OVCH1: variants seen among roughly 807,000 people sequenced by gnomAD.
OVCH1 encodes ovochymase-1.
In OVCH1, 139 loss-of-function variants were observed where a neutral mutation model predicts 138.4. The observed-to-expected ratio is 1.00, with a 90% confidence interval of 0.87 to 1.16. The LOEUF is 1.16. Among genes scored for constraint, OVCH1 ranks in the 50% most tolerant of loss-of-function variants. The probability of loss-of-function intolerance (pLI) is 0.00; values close to 1 mark genes in which losing one functional copy is unlikely to be tolerated. For synonymous variants in OVCH1, 453 were observed against 467.8 expected, an observed-to-expected ratio of 0.97 and a Z score of 0.41; for missense variants, 1,367 against 1,357.9, an observed-to-expected ratio of 1.01 and a Z score of -0.11.
chr12:29,471,923 C>G, exon 16 of OVCH1: 8 of 1,613,462 alleles, frequency 5.0e-6, no homozygotes, highest in Non-Finnish European at 6.8e-6. Context: ...CAGGCTTCTT[C>G]CCCTCCTGCG....
At chr12:29,497,019 C>T (rs1943436483) in intron 1 of OVCH1, among the ~76,000 whole-genome samples, 1 of 152,138 alleles carries the variant, frequency 6.6e-6, no homozygotes, top group African/African-American at 2.4e-5. Context: ...GCCTGTAATC[C>T]CAGCACTTTG....
intron 5 of OVCH1, 65 bp from the exon 6 acceptor site, chr12:29,489,836 T>A (rs878984126): frequency 7.3e-6 from 11 of 1,506,394 alleles, no homozygotes; most frequent in Non-Finnish European, 8.2e-6. Context: ...ATGGGAAGTC[T>A]ACAAGTTTGG....
chr12:29,452,989 T>C (rs1941840805), intron 21 of OVCH1, among the ~76,000 whole-genome samples: 1 of 152,216 alleles, frequency 6.6e-6, no homozygotes, highest in South Asian at 2.1e-4. Flanking sequence ...ATTTTAACAA[T>C]GTTCATTTTC....
intron 23 of OVCH1, 58 bp downstream of exon 23, chr12:29,445,220 A>T: frequency 1.4e-6 from 2 of 1,480,922 alleles, no homozygotes; most frequent in Non-Finnish European, 1.8e-6. Flanking sequence ...AAATATTCCT[A>T]AATAGAGTAA....
At chr12:29,448,030 T>C (rs1484961676) in intron 22 of OVCH1, among the ~76,000 whole-genome samples, 1 of 151,432 alleles carries the variant, frequency 6.6e-6, no homozygotes, top group African/African-American at 2.4e-5. Flanking sequence ...CTTTTAACCC[T>C]GGACTTCAAA....
At chr12:29,476,073 A>G in intron 13 of OVCH1, 133 bp downstream of exon 13, 1 of 734,406 alleles carries the variant, frequency 1.4e-6, no homozygotes, top group Non-Finnish European at 2.4e-6. Flanking sequence ...CTAAAGTTGT[A>G]TGGCATTCTG....
chr12:29,445,483 A>G, intron 22 of OVCH1, 80 bp from the exon 23 acceptor site: 1 of 1,353,700 alleles, frequency 7.4e-7, no homozygotes. Flanking sequence ...CGAGCAATTA[A>G]TTTAACCCAC....
chr12:29,467,318 A>G (rs1040090846), intron 16 of OVCH1, among the ~76,000 whole-genome samples: 2 of 152,192 alleles, frequency 1.3e-5, no homozygotes, highest in East Asian at 1.9e-4. Flanking sequence ...ACAGTTTCTC[A>G]TGATGTTTTA....
chr12:29,475,109 T>C, exon 14 of OVCH1: 2 of 1,578,652 alleles, frequency 1.3e-6, no homozygotes, highest in South Asian at 1.2e-5. Context: ...AAACGATTTT[T>C]ACCATCACTT....
chr12:29,475,139 T>G (rs766164195), exon 14 of OVCH1: 28 of 1,562,130 alleles, frequency 1.8e-5, no homozygotes, highest in Non-Finnish European at 2.2e-5. Context: ...ATCACCGTCA[T>G]GTTACTAGAA....
At chr12:29,437,646 T>C (rs552474860) in intron 26 of OVCH1, among the ~76,000 whole-genome samples, 3 of 152,140 alleles carry the variant, frequency 2.0e-5, no homozygotes, top group East Asian at 3.9e-4. Context: ...AGGAAAACTC[T>C]GCCCTCTTTA....
At chr12:29,445,355 C>G in exon 23 of OVCH1, 1 of 1,611,318 alleles carries the variant, frequency 6.2e-7, no homozygotes, top group Non-Finnish European at 8.5e-7. Flanking sequence ...CACCAGCGGT[C>G]CAGGACTCAT....
chr12:29,479,250 T>C (rs1657855912), intron 8 of OVCH1, among the ~76,000 whole-genome samples: 1 of 151,864 alleles, frequency 6.6e-6, no homozygotes, highest in South Asian at 2.1e-4. Flanking sequence ...TGAAGAAACC[T>C]AAGATTCATG....
chr12:29,468,918 A>T (rs1301069239), intron 16 of OVCH1, among the ~76,000 whole-genome samples: 1 of 152,190 alleles, frequency 6.6e-6, no homozygotes, highest in Non-Finnish European at 1.5e-5. Flanking sequence ...TTCTCCAAAA[A>T]AATGAACCAG....
At chr12:29,433,915 G>T in intron 26 of OVCH1, 1 of 1,029,104 alleles carries the variant, frequency 9.7e-7, no homozygotes. Flanking sequence ...GGGCAGTAAA[G>T]CAAAGCCTGC....
chr12:29,477,581 A>G (rs777356252), intron 9 of OVCH1, 103 bp from the exon 11 acceptor site: 9 of 1,613,396 alleles, frequency 5.6e-6, no homozygotes, highest in Admixed American at 3.3e-5. Context: ...TCTCTGATCT[A>G]AACACACTAA....
At chr12:29,497,479 G>A in intron 1 of OVCH1, 144 bp downstream of exon 1, 5 of 959,004 alleles carry the variant, frequency 5.2e-6, no homozygotes, top group Non-Finnish European at 7.7e-6. Context: ...ATCTGAGCAT[G>A]CACCACCCCC....
At chr12:29,416,456 C>T (rs954326042) in intron 3 of OVCH1, among the ~76,000 whole-genome samples, 9 of 152,016 alleles carry the variant, frequency 5.9e-5, no homozygotes, top group South Asian at 4.1e-4. Flanking sequence ...CCTCAAACTC[C>T]GCACAGTAAG....
chr12:29,454,548 G>T (rs1243964921), intron 21 of OVCH1, among the ~76,000 whole-genome samples: 1 of 152,122 alleles, frequency 6.6e-6, no homozygotes, highest in Non-Finnish European at 1.5e-5. Flanking sequence ...CATATAGAAG[G>T]ACTTTTATTC....
Sources: gnomAD v4.1 joint callset for allele counts (sites outside exome capture counted in the v4.1 genomes callset) on GRCh38, gnomAD v4.1.1 for gene constraint, MANE v1.5 for transcripts, NCBI Gene and HGNC (gene_info 2026-07-23, HGNC 2026-07-21) for gene names.